The following ATP13A5 variants were observed in gnomAD, a reference collection of about 807,000 sequenced individuals.
The protein encoded by ATP13A5 is ATPase 13A5.
In ATP13A5, 149 loss-of-function variants were observed where a neutral mutation model predicts 150.2. The observed-to-expected ratio is 0.99, with a 90% CI of 0.87 to 1.14. The LOEUF is 1.14. Among genes scored for constraint, ATP13A5 ranks in the 50% most tolerant of loss-of-function variants. The probability of loss-of-function intolerance (pLI) is 0.00; values close to 1 mark genes in which losing one functional copy is unlikely to be tolerated. For synonymous variants in ATP13A5, 497 were observed against 522.2 expected, an observed-to-expected ratio of 0.95 and a Z score of 0.66; for missense variants, 1,383 against 1,449.3, an observed-to-expected ratio of 0.95 and a Z score of 0.74.
intron 10 of ATP13A5, among the ~76,000 whole-genome samples, chr3:193,334,188 T>C (rs986528310): frequency 2.6e-5 from 4 of 152,168 alleles, no homozygotes; most frequent in Non-Finnish European, 5.9e-5. Context: ...AACTAAATCA[T>C]AAACCAAACT....
At chr3:193,359,684 TG>T (rs1272533554) in intron 5 of ATP13A5, among the ~76,000 whole-genome samples, 1 of 152,164 alleles carries the variant, frequency 6.6e-6, no homozygotes, top group Admixed American at 6.5e-5. Context: ...TGGCCATGGA[TG>T]GAATATTCCT....
At chr3:193,352,286 C>A (rs1712593131) in intron 6 of ATP13A5, among the ~76,000 whole-genome samples, 1 of 152,192 alleles carries the variant, frequency 6.6e-6, no homozygotes, top group African/African-American at 2.4e-5. Context: ...AACTGCTTTA[C>A]TTGCAAATTA....
At chr3:193,367,188 A>T (rs1004455454) in intron 1 of ATP13A5, among the ~76,000 whole-genome samples, 5 of 152,058 alleles carry the variant, frequency 3.3e-5, no homozygotes, top group African/African-American at 1.2e-4. Flanking sequence ...GGAAAAGATT[A>T]TAAAGATGAG....
chr3:193,332,394 TC>T (rs1711667601), intron 11 of ATP13A5, among the ~76,000 whole-genome samples: 1 of 152,084 alleles, frequency 6.6e-6, no homozygotes, highest in Non-Finnish European at 1.5e-5. Context: ...ATACAGCAGG[TC>T]TCCAGAGGAG....
At chr3:193,319,503 G>A (rs1719180479) in intron 16 of ATP13A5, among the ~76,000 whole-genome samples, 1 of 152,204 alleles carries the variant, frequency 6.6e-6, no homozygotes, top group Non-Finnish European at 1.5e-5. Context: ...GATACAGGAA[G>A]AAGGCAACCA....
chr3:193,321,004 C>A (rs1178728044), intron 16 of ATP13A5, among the ~76,000 whole-genome samples: 1 of 152,124 alleles, frequency 6.6e-6, no homozygotes, highest in African/African-American at 2.4e-5. Flanking sequence ...TCTGATTCTC[C>A]CTGGAGGTGA....
rs990027280 is a variant in ATP13A5 at position 193,275,187 on chromosome 3, G to A, written c.3512C>T (p.Pro1171Leu). ...QKKLAEDSTW[P>L]PINRTDYSGD... ...TGAATAATCTGTCCTGTTTATGGGAGGCCAGGTTGAGTCTTCTGCTAGCTT... is the reference window on the plus strand; with the variant it reads ...TGAATAATCTGTCCTGTTTATGGGAAGCCAGGTTGAGTCTTCTGCTAGCTT... Residue 1171 changes from proline (P) to leucine (L), a missense_variant, in exon 30 of 30, where the codon CCT becomes CTT. Transcript: ENST00000342358. The A allele has an allele frequency of 6.2e-7, 1 of 1,614,152 alleles. No individual in the cohort carries two copies. The highest frequency in any genetic ancestry group is 8.5e-7 in the Non-Finnish European group (1 of 1,180,036).
intron 17 of ATP13A5, among the ~76,000 whole-genome samples, chr3:193,317,097 A>T (rs1719078530): frequency 6.6e-6 from 1 of 152,142 alleles, no homozygotes; most frequent in South Asian, 2.1e-4. Flanking sequence ...TTGTTACCCT[A>T]CAACACTCCC....
At chr3:193,349,038 T>C (rs1210354828) in intron 7 of ATP13A5, among the ~76,000 whole-genome samples, 2 of 152,312 alleles carry the variant, frequency 1.3e-5, no homozygotes, top group African/African-American at 2.4e-5. Flanking sequence ...CCATGTCCCA[T>C]ACAAACACAT....
chr3:193,319,307 G>A (rs1160911729), intron 16 of ATP13A5, among the ~76,000 whole-genome samples, 199 bp from the exon 17 acceptor site: 1 of 152,196 alleles, frequency 6.6e-6, no homozygotes, highest in African/African-American at 2.4e-5. Flanking sequence ...AAATGTCAAA[G>A]CCGTGCTGGT....
At chr3:193,316,355 C>T (rs1254223713) in intron 17 of ATP13A5, among the ~76,000 whole-genome samples, 1 of 152,014 alleles carries the variant, frequency 6.6e-6, no homozygotes, top group East Asian at 1.9e-4. Flanking sequence ...CATTGGATCA[C>T]CTGGTGATCC....
At chr3:193,285,396 T>C (rs1717679241) in intron 26 of ATP13A5, among the ~76,000 whole-genome samples, 1 of 152,148 alleles carries the variant, frequency 6.6e-6, no homozygotes, top group South Asian at 2.1e-4. Flanking sequence ...AAAGAGTAAA[T>C]AGACCATGTC....
chr3:193,367,659 C>G (rs1011403681), intron 1 of ATP13A5, among the ~76,000 whole-genome samples: 3 of 151,988 alleles, frequency 2.0e-5, no homozygotes, highest in African/African-American at 7.2e-5. Flanking sequence ...CCTAGAAATG[C>G]AAGGATTTAA....
intron 25 of ATP13A5, among the ~76,000 whole-genome samples, chr3:193,293,875 G>A (rs4687399): frequency 0.4 from 60,633 of 151,800 alleles, 13,277 homozygotes; most frequent in Non-Finnish European, 0.48. Context: ...TCTATAATGG[G>A]TGAGTCCCTC....
At chr3:193,367,485 A>G (rs1713279158) in intron 1 of ATP13A5, among the ~76,000 whole-genome samples, 1 of 152,246 alleles carries the variant, frequency 6.6e-6, no homozygotes, top group East Asian at 1.9e-4. Context: ...TGTTTTATGA[A>G]GCCAGCATAC....
intron 21 of ATP13A5, 136 bp downstream of exon 21, chr3:193,310,502 C>T (rs1378782979): frequency 3.1e-6 from 2 of 643,958 alleles, no homozygotes; most frequent in African/African-American, 3.7e-5. Context: ...ATAAGTGTTC[C>T]CTTTTCTCTG....
intron 7 of ATP13A5, among the ~76,000 whole-genome samples, chr3:193,347,630 T>G (rs1235100470): frequency 1.3e-5 from 2 of 152,104 alleles, no homozygotes; most frequent in African/African-American, 4.8e-5. Flanking sequence ...TTAATCATAC[T>G]TGACTGTAAT....
chr3:193,348,323 G>A lies in ATP13A5; in HGVS notation c.741+2744C>T, dbSNP rs894339820. Among the ~76,000 whole-genome samples, 8 of 152,222 alleles carry A rather than the reference G, an allele frequency of 5.3e-5. No homozygotes were observed. The East Asian group carries it at 1.4e-3, about 26-fold the overall frequency. The stretch of plus-strand genomic sequence containing the variant: ...TCTGTTGCTACGTGCCCTTGTGTTT[G>A]TCGTGGCTGGATTTCCTCTAGAGAT... On this transcript the variant is annotated intron_variant, in intron 7 of 29. Coordinates refer to ENST00000342358, the MANE Select transcript of ATP13A5 (RefSeq NM_198505.4).
intron 17 of ATP13A5, among the ~76,000 whole-genome samples, chr3:193,317,657 AAAACCAAAAC>A (rs886539026): frequency 1.3e-5 from 2 of 152,216 alleles, no homozygotes; most frequent in Non-Finnish European, 2.9e-5. Flanking sequence ...GATTCTAAGA[AAAACCAAAAC>A]CCTATCCTTT....
Sources: allele counts gnomAD v4.1 joint callset (sites outside exome capture counted in the v4.1 genomes callset), GRCh38; gene constraint gnomAD v4.1.1; transcripts MANE v1.5; gene names NCBI Gene and HGNC (gene_info 2026-07-23, HGNC 2026-07-21).